SUFU: variants seen among roughly 807,000 people sequenced by gnomAD.
SUFU encodes the protein suppressor of fused homolog.
SUFU carries 7 observed loss-of-function variants against 58.9 expected under a neutral mutation model. That is an observed-to-expected ratio of 0.12 (90% CI 0.07 to 0.22). The LOEUF (loss-of-function observed/expected upper bound fraction) is 0.22. Among genes scored for constraint, SUFU ranks in the 10% least tolerant of loss-of-function variants. SUFU has a pLI of 1.00. For missense variants in SUFU, 451 were observed against 641.3 expected (o/e 0.70, Z 3.20); for synonymous variants, 232 against 254.8 (o/e 0.91, Z 0.85).
chr10:102,563,899 G>A (rs972734406), intron 3 of SUFU, among the ~76,000 whole-genome samples: 2 of 152,102 alleles, frequency 1.3e-5, no homozygotes, highest in Admixed American at 1.3e-4. Flanking sequence ...CAGCCCTCAG[G>A]GTCATGGATA....
chr10:102,581,619 G>A (rs796266327), intron 3 of SUFU, among the ~76,000 whole-genome samples: 29 of 152,290 alleles, frequency 1.9e-4, no homozygotes, highest in African/African-American at 6.5e-4. Context: ...GAAGGAGGGC[G>A]GGTTAGGCAG....
intron 2 of SUFU, among the ~76,000 whole-genome samples, chr10:102,510,778 G>A (rs2062391341): frequency 6.6e-6 from 1 of 152,120 alleles, no homozygotes; most frequent in Admixed American, 6.5e-5. Context: ...AGCTGAGATC[G>A]TGCCACTGTG....
In SUFU at chr10:102,619,322, C is replaced by T. The variant is rs2063720043; in HGVS notation, c.1296+1894C>T. On this transcript the variant is annotated intron_variant, in intron 10 of 11. Coordinates refer to ENST00000369902, the MANE Select transcript of SUFU (RefSeq NM_016169.4). The surrounding 1 kb of genome is among the most constrained non-coding windows in gnomAD (Gnocchi z 4.2). The stretch of plus-strand genomic sequence containing the variant: ...CCTCACCTCCCTGGCAGCCCCTCAG[C>T]GAGCCTGAGGCCCAGCACCCGCTGG... 7.0e-7 allele frequency: 1 copy of T among 1,433,438 alleles called. No individual in the cohort carries two copies. Among genetic ancestry groups the T allele is most frequent in the Non-Finnish European group, 9.1e-7 (1 of 1,096,712 alleles). The allele number at this position is 1,433,438 out of a possible 1,614,324, so 88.8% of individuals were successfully genotyped here.
At chr10:102,614,513 G>A (rs1382429790) in intron 8 of SUFU, among the ~76,000 whole-genome samples, 13 of 151,062 alleles carry the variant, frequency 8.6e-5, no homozygotes, top group Admixed American at 6.6e-4. Flanking sequence ...AGCCAAGATC[G>A]TGCCACTGCA....
intron 3 of SUFU, among the ~76,000 whole-genome samples, chr10:102,574,344 T>C (rs1348155002): frequency 2.0e-5 from 3 of 152,238 alleles, no homozygotes; most frequent in Non-Finnish European, 2.9e-5. Flanking sequence ...AGTAATCATG[T>C]TGTTAATAAA....
At chr10:102,572,405 T>TG (rs1157843957) in intron 3 of SUFU, among the ~76,000 whole-genome samples, 1 of 149,436 alleles carries the variant, frequency 6.7e-6, no homozygotes. Flanking sequence ...TTTTTTTTTT[T>TG]TTGAGACAGA....
chr10:102,546,670 T>G (rs1330725903), intron 2 of SUFU, among the ~76,000 whole-genome samples: 2 of 152,260 alleles, frequency 1.3e-5, no homozygotes, highest in African/African-American at 4.8e-5. Context: ...ACTTGGTGAT[T>G]GCTTGGGCAG....
chr10:102,503,490 A>C (rs1015536299), upstream of SUFU, among the ~76,000 whole-genome samples: 1 of 152,192 alleles, frequency 6.6e-6, no homozygotes, highest in African/African-American at 2.4e-5. Flanking sequence ...GTTATGTGTC[A>C]CTGCTTTCAA....
At chr10:102,548,989 A>G (rs939313607) in intron 2 of SUFU, among the ~76,000 whole-genome samples, 1 of 152,306 alleles carries the variant, frequency 6.6e-6, no homozygotes, top group Middle Eastern at 3.4e-3. Flanking sequence ...GGTTTCAGGA[A>G]GAGCTTGTGC....
intron 3 of SUFU, among the ~76,000 whole-genome samples, chr10:102,551,882 G>A (rs976833809): frequency 6.6e-6 from 1 of 150,714 alleles, no homozygotes; most frequent in Admixed American, 6.6e-5. Context: ...CCGCCACCAC[G>A]CCTGGCTAAT....
rs538327033 is a variant in SUFU, at chr10:102,629,953, G to T, written c.1366-113G>T. 352 of 980,678 alleles carry T rather than the reference G, an allele frequency of 3.6e-4. No individual in the cohort carries two copies. Among genetic ancestry groups the T allele is most frequent in the Non-Finnish European group, 4.7e-4 (284 of 603,844 alleles). The allele number at this position is 980,678 out of a possible 1,614,324, so 60.7% of individuals were successfully genotyped here. Reference sequence around the variant, plus strand: ...ATTTGAGAATGAAGCCACGCCTCCCGCGGCCTGTCCTATCCCTAGCTCCCC... The same window carrying T: ...ATTTGAGAATGAAGCCACGCCTCCCTCGGCCTGTCCTATCCCTAGCTCCCC... On this transcript the variant is annotated intron_variant, in intron 11 of 11. Coordinates refer to ENST00000369902, the MANE Select transcript of SUFU (RefSeq NM_016169.4). The surrounding 1 kb of genome is among the most constrained non-coding windows in gnomAD (Gnocchi z 4.7).
At chr10:102,604,890 C>G (rs1293617890) in intron 8 of SUFU, among the ~76,000 whole-genome samples, 1 of 147,462 alleles carries the variant, frequency 6.8e-6, no homozygotes, top group Non-Finnish European at 1.5e-5. Context: ...TCACATTTTA[C>G]CTTTGGGATA....
chr10:102,531,539 G>A (rs988581576), intron 2 of SUFU, among the ~76,000 whole-genome samples: 1 of 152,128 alleles, frequency 6.6e-6, no homozygotes, highest in Non-Finnish European at 1.5e-5. Context: ...TGTACAAAGG[G>A]GTAAATCCTG....
intron 3 of SUFU, among the ~76,000 whole-genome samples, chr10:102,576,331 GT>G (rs200599227): frequency 4.6e-5 from 7 of 150,962 alleles, no homozygotes; most frequent in East Asian, 1.9e-4. Flanking sequence ...GGGTTTCTAT[GT>G]TTTTTTTTCT....
At chr10:102,612,918 G>A (rs2063641356) in intron 8 of SUFU, among the ~76,000 whole-genome samples, 1 of 152,214 alleles carries the variant, frequency 6.6e-6, no homozygotes, top group Non-Finnish European at 1.5e-5. Context: ...CCTTAGCAGA[G>A]GGTTGGCGCA....
chr10:102,573,101 G>GT (rs2063179037), intron 3 of SUFU: 1 of 775,874 alleles, frequency 1.3e-6, no homozygotes, highest in African/African-American at 1.7e-5. Flanking sequence ...GGTAGGTGAC[G>GT]TGCGGATCTT....
chr10:102,566,942 C>CAA (rs567137519), intron 3 of SUFU, among the ~76,000 whole-genome samples: 12 of 74,114 alleles, frequency 1.6e-4, no homozygotes, highest in Non-Finnish European at 2.5e-4. Context: ...GACTCCATCT[C>CAA]AAAAAAAAAA....
intron 2 of SUFU, among the ~76,000 whole-genome samples, chr10:102,514,920 TCTG>T (rs2062447821): frequency 2.0e-5 from 3 of 152,238 alleles, no homozygotes; most frequent in Admixed American, 2.0e-4. Flanking sequence ...GGGCAGGTCA[TCTG>T]CTGTACAAGT....
At chr10:102,558,734 T>C (rs905092483) in intron 3 of SUFU, among the ~76,000 whole-genome samples, 6 of 152,248 alleles carry the variant, frequency 3.9e-5, no homozygotes, top group Admixed American at 3.9e-4. Flanking sequence ...CGGCTTTGCA[T>C]AGGCAAAATC....
Sources: gnomAD v4.1 joint callset for allele counts (sites outside exome capture counted in the v4.1 genomes callset) on GRCh38, gnomAD v4.1.1 for gene constraint, Gnocchi (gnomAD v3.1) non-coding constraint, MANE v1.5 for transcripts, NCBI Gene and HGNC (gene_info 2026-07-23, HGNC 2026-07-21) for gene names.